Variants in GRIK4 observed in about 807,000 individuals in gnomAD.
GRIK4 encodes the protein glutamate ionotropic receptor kainate type subunit 4, also known as glutamate receptor ionotropic, kainate 4.
A neutral mutation model predicts 104.9 loss-of-function variants in GRIK4; 40 were observed. The observed-to-expected ratio is 0.38, with a 90% CI of 0.30 to 0.50. The LOEUF is 0.50. Ranked by LOEUF, GRIK4 falls within the 20% of genes least tolerant of loss-of-function variation. The pLI, the probability that GRIK4 is intolerant of heterozygous loss-of-function variation, is 0.93. For synonymous variants in GRIK4, 485 were observed against 524.9 expected (o/e 0.92, Z 1.04); for missense variants, 1,047 against 1,308.1 (o/e 0.80, Z 3.08).
chr11:120,971,536 C>T (rs1229333960), intron 19 of GRIK4, among the ~76,000 whole-genome samples: 1 of 152,164 alleles, frequency 6.6e-6, no homozygotes, highest in Non-Finnish European at 1.5e-5. Context: ...CAACAAACAG[C>T]GTGGTAAACT....
intron 1 of GRIK4, among the ~76,000 whole-genome samples, chr11:120,539,884 G>T (rs1948015307): frequency 6.6e-6 from 1 of 152,146 alleles, no homozygotes; most frequent in Non-Finnish European, 1.5e-5. Context: ...CCTTTTCAAG[G>T]TTACCCACCA....
intron 1 of GRIK4, among the ~76,000 whole-genome samples, chr11:120,542,977 G>A (rs1392285209): frequency 6.6e-6 from 1 of 152,182 alleles, no homozygotes; most frequent in Non-Finnish European, 1.5e-5. Flanking sequence ...TGTGCTGCAG[G>A]GTTCCTGCTT....
At chr11:120,789,842 C>T (rs961580898) in intron 3 of GRIK4, among the ~76,000 whole-genome samples, 1 of 152,140 alleles carries the variant, frequency 6.6e-6, no homozygotes, top group African/African-American at 2.4e-5. Context: ...TTGTGTGAAG[C>T]CTGGCAGGTA....
At chr11:120,728,190 A>G (rs1025697951) in intron 3 of GRIK4, among the ~76,000 whole-genome samples, 34 of 152,232 alleles carry the variant, frequency 2.2e-4, no homozygotes, top group African/African-American at 8.2e-4. Context: ...AGTGACATAT[A>G]GGAGAAAGAA....
chr11:120,596,215 G>C (rs543028211), intron 1 of GRIK4, among the ~76,000 whole-genome samples: 1 of 152,332 alleles, frequency 6.6e-6, no homozygotes, highest in Admixed American at 6.5e-5. Flanking sequence ...AGTATTTGTT[G>C]AATTAGTTCC....
chr11:120,606,272 C>A (rs1402676686), intron 1 of GRIK4, among the ~76,000 whole-genome samples: 2 of 152,220 alleles, frequency 1.3e-5, no homozygotes, highest in African/African-American at 2.4e-5. Context: ...CCTCCCCACG[C>A]CCCTCCTCTG....
At chr11:120,791,886 G>A (rs1952401941) in intron 3 of GRIK4, among the ~76,000 whole-genome samples, 2 of 152,108 alleles carry the variant, frequency 1.3e-5, no homozygotes, top group South Asian at 2.1e-4. Flanking sequence ...ACAAATGCAC[G>A]GGTCAAAGTA....
intron 2 of GRIK4, among the ~76,000 whole-genome samples, chr11:120,659,453 C>T (rs1180968858): frequency 1.3e-5 from 2 of 152,216 alleles, no homozygotes; most frequent in Non-Finnish European, 2.9e-5. Context: ...AGCATGGTGG[C>T]TTCTCCGATG....
intron 1 of GRIK4, among the ~76,000 whole-genome samples, chr11:120,609,458 C>T (rs574849625): frequency 2.7e-5 from 4 of 148,594 alleles, no homozygotes; most frequent in Non-Finnish European, 5.9e-5. Context: ...CCAAAGGTAG[C>T]TTTCCCTACC....
At chr11:120,867,422 G>A (rs1479229713) in intron 9 of GRIK4, among the ~76,000 whole-genome samples, 3 of 152,134 alleles carry the variant, frequency 2.0e-5, no homozygotes, top group Non-Finnish European at 4.4e-5. Flanking sequence ...GCCTCATGGG[G>A]ACGTTCTCTC....
intron 3 of GRIK4, among the ~76,000 whole-genome samples, chr11:120,723,675 G>T (rs1182966751): frequency 6.6e-6 from 1 of 152,110 alleles, no homozygotes; most frequent in Non-Finnish European, 1.5e-5. Flanking sequence ...TACCATGTTT[G>T]CCTCTAAAAC....
intron 8 of GRIK4, among the ~76,000 whole-genome samples, chr11:120,843,036 A>G (rs756567202): frequency 1.1e-4 from 17 of 152,292 alleles, no homozygotes; most frequent in African/African-American, 2.7e-4. Context: ...CCCTGTGCCT[A>G]TGGCAGGAGC....
At chr11:120,613,321 A>C (rs1199508524) in intron 1 of GRIK4, among the ~76,000 whole-genome samples, 1 of 152,172 alleles carries the variant, frequency 6.6e-6, no homozygotes, top group East Asian at 1.9e-4. Flanking sequence ...CAGTGGGACT[A>C]GCACTCAGGT....
intron 1 of GRIK4, among the ~76,000 whole-genome samples, chr11:120,532,699 C>A (rs983722621): frequency 6.6e-6 from 1 of 152,222 alleles, no homozygotes; most frequent in Non-Finnish European, 1.5e-5. Flanking sequence ...GGCCTTCTTG[C>A]AGTTACTAGT....
intron 20 of GRIK4, among the ~76,000 whole-genome samples, chr11:120,984,562 T>G (rs556690539): frequency 1.6e-3 from 246 of 152,084 alleles, no homozygotes; most frequent in African/African-American, 4.9e-3. Flanking sequence ...AGGTCGGCAG[T>G]TCAAGACCAG....
chr11:120,758,470 A>G (rs1475686724), intron 3 of GRIK4, among the ~76,000 whole-genome samples: 1 of 152,072 alleles, frequency 6.6e-6, no homozygotes, highest in African/African-American at 2.4e-5. Flanking sequence ...GCTGCATTTT[A>G]TATATATTCA....
intron 3 of GRIK4, among the ~76,000 whole-genome samples, chr11:120,669,783 G>A (rs540982127): frequency 3.9e-5 from 6 of 152,300 alleles, no homozygotes; most frequent in Non-Finnish European, 5.9e-5. Flanking sequence ...CTCAGGGCCC[G>A]GTCCTTAAAC....
intron 13 of GRIK4, among the ~76,000 whole-genome samples, chr11:120,934,581 A>T (rs1027783700): frequency 1.3e-5 from 2 of 152,172 alleles, no homozygotes; most frequent in African/African-American, 4.8e-5. Flanking sequence ...GAGGCCAAAG[A>T]GAGTATGTTT....
chr11:120,851,566 A>G (rs1953975440), intron 8 of GRIK4, among the ~76,000 whole-genome samples: 2 of 152,118 alleles, frequency 1.3e-5, no homozygotes. Flanking sequence ...TTATCATTCT[A>G]TTTCTAGTGC....
Sources: allele counts gnomAD v4.1 joint callset (sites outside exome capture counted in the v4.1 genomes callset), GRCh38; gene constraint gnomAD v4.1.1; transcripts MANE v1.5; gene names NCBI Gene and HGNC (gene_info 2026-07-23, HGNC 2026-07-21).